Variants in CENPE observed in about 807,000 individuals in gnomAD.
CENPE encodes the protein centromere protein E, also known as centromere-associated protein E.
A neutral mutation model predicts 336.1 loss-of-function variants in CENPE; 145 were observed. That is an observed-to-expected ratio of 0.43 (90% confidence interval 0.38 to 0.50). The LOEUF is 0.50. Ranked by LOEUF, CENPE falls within the 20% of genes least tolerant of loss-of-function variation. CENPE has a pLI of 0.00. For synonymous variants in CENPE, 1,013 were observed against 984.8 expected (o/e 1.03, Z -0.54); for missense variants, 2,719 against 3,023.3 (o/e 0.90, Z 2.36).
intron 48 of CENPE, among the ~76,000 whole-genome samples, chr4:103,108,478 T>C (rs986347895): frequency 1.3e-5 from 2 of 152,160 alleles, no homozygotes; most frequent in African/African-American, 4.8e-5. Context: ...TTTTGGTCCA[T>C]TGAATTGATA....
intron 29 of CENPE, among the ~76,000 whole-genome samples, chr4:103,146,692 C>T (rs1367855732): frequency 2.0e-5 from 3 of 152,122 alleles, no homozygotes; most frequent in Non-Finnish European, 4.4e-5. Context: ...ATAAAGGATC[C>T]TGGTCTTTAT....
At chr4:103,120,747 T>C (rs540190387) in intron 43 of CENPE, among the ~76,000 whole-genome samples, 102 of 152,280 alleles carry the variant, frequency 6.7e-4, no homozygotes, top group African/African-American at 2.3e-3. Context: ...ATTAATTTTT[T>C]TTTTTTGAGA....
At chr4:103,128,841 A>G (rs1751351081) in intron 42 of CENPE, among the ~76,000 whole-genome samples, 1 of 152,210 alleles carries the variant, frequency 6.6e-6, no homozygotes, top group Non-Finnish European at 1.5e-5. Flanking sequence ...AGCAAATTAA[A>G]TCCAAAGTAA....
chr4:103,145,150 T>C lies in CENPE; in HGVS notation c.4757A>G (p.Gln1586Arg). The C allele has an allele frequency of 6.2e-7, 1 of 1,613,000 alleles. No individual in the cohort carries two copies. Among genetic ancestry groups the C allele is most frequent in the South Asian group, 1.1e-5 (1 of 90,802 alleles). ...NRLQESQEEI[Q>R]IMIKEKEEMK... is the part of the protein sequence containing the mutation. ...TTCCTCTTTTTCCTTAATCATAATT[T>C]GTATTTCTTCTTGACTTTCTTGAAG... is the stretch of plus-strand genomic sequence containing the variant. Residue 1586 changes from glutamine (Q) to arginine (R), a missense_variant, in exon 32 of 49, where the codon CAA (glutamine) becomes CGA (arginine). Around this residue, in one of 5 missense-constraint regions of CENPE, gnomAD observed 2,437 missense variants for 2,513.3 expected, o/e 0.97. Transcript: ENST00000265148.
At chr4:103,194,758 C>G in intron 5 of CENPE, 74 bp from the exon 6 acceptor site, 1 of 1,094,358 alleles carries the variant, frequency 9.1e-7, no homozygotes, top group South Asian at 1.5e-5. Flanking sequence ...AAGGTGCAAA[C>G]TATTATAGAA....
chr4:103,147,784 C>G, intron 28 of CENPE, 138 bp from the exon 29 acceptor site: 1 of 687,830 alleles, frequency 1.5e-6, no homozygotes, highest in South Asian at 2.0e-5. Flanking sequence ...ACTTCTGCCT[C>G]CTGGGTTCAA....
At chr4:103,141,645 T>C (rs1442172819) in intron 35 of CENPE, 105 bp downstream of exon 35, 4 of 736,280 alleles carry the variant, frequency 5.4e-6, no homozygotes, top group Non-Finnish European at 8.8e-6. Flanking sequence ...CATTAGTAAA[T>C]ACTGCCAAGG....
intron 16 of CENPE, 146 bp downstream of exon 16, chr4:103,174,590 A>G (rs1755693570): frequency 2.0e-6 from 1 of 503,398 alleles, no homozygotes; most frequent in South Asian, 3.8e-5. Context: ...ACTTCAAAAC[A>G]TCATACATCA....
intron 16 of CENPE, among the ~76,000 whole-genome samples, chr4:103,172,672 A>T (rs1270333919): frequency 1.3e-5 from 2 of 152,028 alleles, no homozygotes; most frequent in Non-Finnish European, 2.9e-5. Context: ...TTTGTAGATG[A>T]TATGATCCTA....
At chr4:103,132,960 T>TTATATATATATATATATA (rs56951110) in intron 41 of CENPE, 64 bp from the exon 42 acceptor site, 3,596 of 147,324 alleles carry the variant, frequency 0.024, 119 homozygotes, top group African/African-American at 0.048. Flanking sequence ...AATATTTTAT[T>TTATATATATATATATATA]TATATATATA....
At chr4:103,190,466 C>T (rs1169479816) in intron 8 of CENPE, among the ~76,000 whole-genome samples, 1 of 151,866 alleles carries the variant, frequency 6.6e-6, no homozygotes, top group African/African-American at 2.4e-5. Context: ...TGGAAAGGAA[C>T]AGAGCCCTCA....
chr4:103,155,232 T>C (rs537042483), intron 24 of CENPE, among the ~76,000 whole-genome samples: 2 of 152,328 alleles, frequency 1.3e-5, no homozygotes, highest in African/African-American at 4.8e-5. Context: ...TGGATTTGTT[T>C]AAAACAGTTA....
In CENPE at chr4:103,163,190, A is replaced by G; in HGVS notation, c.1789T>C (p.Tyr597His). The change falls in exon 18 of 49, where the codon TAC becomes CAC. Residue 597 changes from tyrosine (Y) to histidine (H), a missense_variant. Around this residue, in one of 5 missense-constraint regions of CENPE, gnomAD observed 2,437 missense variants for 2,513.3 expected, o/e 0.97. Transcript: ENST00000265148. ...TTTTCTAGCTTTTGAGAGTCTATGT[A>G]TTCCTGTAGCTTCTTAATCTGGTCT... Reference protein sequence around the residue: ...KEDQIKKLQEYIDSQKLENIK... With the variant: ...KEDQIKKLQEHIDSQKLENIK... 1 of 1,608,864 alleles carries G rather than the reference A, an allele frequency of 6.2e-7. No individual in the cohort carries two copies. The highest frequency in any genetic ancestry group is 1.3e-5 in the African/African-American group (1 of 74,886).
chr4:103,134,431 G>A (rs1387098943), intron 40 of CENPE, among the ~76,000 whole-genome samples: 2 of 152,056 alleles, frequency 1.3e-5, no homozygotes, highest in African/African-American at 2.4e-5. Flanking sequence ...TCAGGAGTTC[G>A]AGACCATCCT....
intron 24 of CENPE, among the ~76,000 whole-genome samples, chr4:103,154,633 G>A (rs1156810922): frequency 1.3e-5 from 2 of 152,080 alleles, no homozygotes; most frequent in Admixed American, 1.3e-4. Flanking sequence ...AAAGCAGATT[G>A]AGACAAAATT....
Position 103,136,228 on chromosome 4 carries a change from G to C in CENPE, c.6435C>G (p.Pro2145=), listed in dbSNP as rs372096666. Residue 2145 remains proline (P), a synonymous_variant, in exon 40 of 49, where the codon CCC becomes CCG. Coordinates refer to ENST00000265148, the MANE Select transcript of CENPE (RefSeq NM_001813.3). ...SMRVKANLSL[P]YLQTKHIEKL... ...TTTCAATGTGTTTGGTTTGTAAATA[G>C]GGAAGTGAGAGGTTTGCTTTAACTC... 44 of 1,613,800 alleles carry C rather than the reference G, an allele frequency of 2.7e-5. No homozygotes were observed. The African/African-American group carries it at 5.2e-4, about 19-fold the overall frequency.
chr4:103,142,135 TAG>T (rs901576612), intron 34 of CENPE, among the ~76,000 whole-genome samples: 1 of 152,210 alleles, frequency 6.6e-6, no homozygotes, highest in African/African-American at 2.4e-5. Flanking sequence ...AAGTGTTGCA[TAG>T]TATTTCGATA....
Position 103,126,598 on chromosome 4 carries a change from C to T in CENPE, c.6925-3509G>A, listed in dbSNP as rs765447841. 2.6e-5 allele frequency among the ~76,000 whole-genome samples: 4 copies of T among 152,252 alleles called. No homozygotes were observed. The South Asian group carries it at 6.2e-4, about 24-fold the overall frequency. On this transcript the variant is annotated intron_variant, in intron 42 of 48. Coordinates refer to ENST00000265148, the MANE Select transcript of CENPE (RefSeq NM_001813.3). The stretch of plus-strand genomic sequence containing the variant: ...AGAGACTGAATAAGCATCAGAACCA[C>T]AGGCAGAAATGCCAGGAACATGAGA...
At chr4:103,146,270 C>T (rs1415272542) in intron 29 of CENPE, among the ~76,000 whole-genome samples, 163 bp from the exon 30 acceptor site, 2 of 152,134 alleles carry the variant, frequency 1.3e-5, no homozygotes, top group African/African-American at 4.8e-5. Flanking sequence ...GCATTTAATG[C>T]TTTTTAAAAA....
Sources: gnomAD v4.1 joint callset for allele counts (sites outside exome capture counted in the v4.1 genomes callset) on GRCh38, gnomAD v4.1.1 for gene constraint, gnomAD v4.1.1 regional missense constraint, MANE v1.5 for transcripts, NCBI Gene and HGNC (gene_info 2026-07-23, HGNC 2026-07-21) for gene names.